Variants in CYP26B1 observed in about 807,000 individuals in gnomAD.
CYP26B1 encodes cytochrome P450 family 26 subfamily B member 1.
A neutral mutation model predicts 39.1 loss-of-function variants in CYP26B1; 8 were observed. The observed-to-expected ratio is 0.20, with a 90% CI of 0.12 to 0.37. CYP26B1 has a LOEUF of 0.37. CYP26B1 is among the 10% of genes least tolerant of loss of function. The pLI is 1.00. For synonymous variants in CYP26B1, 321 were observed against 314.3 expected, an observed-to-expected ratio of 1.02 and a Z score of -0.23; for missense variants, 615 against 707.0, an observed-to-expected ratio of 0.87 and a Z score of 1.48.
In CYP26B1 at chr2:72,143,638, G is replaced by A. The variant is rs750498674; in HGVS notation, c.429+351C>T. On this transcript the variant is annotated intron_variant, in intron 2 of 5. Coordinates refer to ENST00000001146, the MANE Select transcript of CYP26B1 (RefSeq NM_019885.4). ...CAGTCCTCGGAATTCCCTGGGAAAC[G>A]TGGCGAAAAGGCGAACGCCGGCCAA... is the stretch of plus-strand genomic sequence containing the variant. 7.5e-4 allele frequency among the ~76,000 whole-genome samples: 114 copies of A among 152,382 alleles called. 1 individual carries two copies. The highest frequency in any genetic ancestry group is 1.5e-3 in the Admixed American group (23 of 15,308).
chr2:72,131,948 C>T lies in CYP26B1; in HGVS notation c.*279G>A. On this transcript the variant is annotated 3_prime_UTR_variant, in exon 6 of 6. Coordinates refer to ENST00000001146, the MANE Select transcript of CYP26B1 (RefSeq NM_019885.4). ...CTGTAGCACGCGCTGACACCTAACA[C>T]TGTCACGGGCATGCAGAGCCCCTGC... 1 of 539,210 alleles carries T rather than the reference C, an allele frequency of 1.9e-6. No individual in the cohort carries two copies. Among genetic ancestry groups the T allele is most frequent in the Non-Finnish European group, 3.4e-6 (1 of 298,248 alleles). The allele number at this position is 539,210 out of a possible 1,614,324, so 33.4% of individuals were successfully genotyped here.
rs1677154795 is a variant in CYP26B1, at chr2:72,147,512, G to A, written c.204+119C>T. On this transcript the variant is annotated intron_variant, in intron 1 of 5. Transcript: ENST00000001146. The surrounding 1 kb of genome is among the most constrained non-coding windows in gnomAD (Gnocchi z 6.1). ...CTGCTGCGGCAGAGAGGAGGGAAGG[G>A]GCGGGGCGGGGACCAGTGCCTTCAG... is the stretch of plus-strand genomic sequence containing the variant. 2 of 1,020,378 alleles carry A rather than the reference G, an allele frequency of 2.0e-6. No individual in the cohort carries two copies. The highest frequency in any genetic ancestry group is 2.7e-6 in the Non-Finnish European group (2 of 740,858). The allele number at this position is 1,020,378 out of a possible 1,614,324, so 63.2% of individuals were successfully genotyped here. A position where few individuals can be genotyped will look rare whatever the true frequency, so the allele number is the denominator to read the frequency against.
intron 2 of CYP26B1, among the ~76,000 whole-genome samples, chr2:72,136,874 A>G (rs910540283): frequency 3.3e-5 from 5 of 152,230 alleles, no homozygotes; most frequent in African/African-American, 1.2e-4. Flanking sequence ...CACTTCTTCT[A>G]GAGACCAGCG....
Position 72,133,143 on chromosome 2 carries a change from T to C in CYP26B1, c.1026A>G (p.Thr342=). The change falls in exon 5 of 6, where the codon ACA becomes ACG. Residue 342 remains threonine, a synonymous_variant. Transcript: ENST00000001146. ...GCCCACTGAGCGTGTCCAGGCGCAG[T>C]GTGCCCTCGCAGGGGCAGCCGCCAC... The part of the protein sequence containing the change: ...LHSGGCPCEG[T]LRLDTLSGLR... The C allele has an allele frequency of 1.9e-6, 3 of 1,612,642 alleles. No homozygotes were observed. Among genetic ancestry groups the C allele is most frequent in the Middle Eastern group, 1.7e-4 (1 of 6,052 alleles).
At position 72,147,457 on chromosome 2, in the gene CYP26B1, C is replaced by A. The variant is rs1323409059; in HGVS notation, c.204+174G>T. On this transcript the variant is annotated intron_variant, in intron 1 of 5. Coordinates refer to ENST00000001146, the MANE Select transcript of CYP26B1 (RefSeq NM_019885.4). The surrounding 1 kb of genome is among the most constrained non-coding windows in gnomAD (Gnocchi z 6.1). ...CCGCGGGCGCCAGTGGTCCCGGAAC[C>A]GCGCTGCCGGCGGGCTGGGGAAGCC... Among the ~76,000 whole-genome samples the A allele has an allele frequency of 6.6e-6, 1 of 152,112 alleles. No individual in the cohort carries two copies. Among genetic ancestry groups the A allele is most frequent in the East Asian group, 1.9e-4 (1 of 5,158 alleles).
At chr2:72,133,864 G>A (rs552644914) in intron 4 of CYP26B1, among the ~76,000 whole-genome samples, 3 of 152,126 alleles carry the variant, frequency 2.0e-5, no homozygotes, top group Admixed American at 6.5e-5. Context: ...GAGGGAAGGC[G>A]ACCCCCAGAG....
At chr2:72,139,784 C>T (rs888669010) in intron 2 of CYP26B1, among the ~76,000 whole-genome samples, 6 of 152,248 alleles carry the variant, frequency 3.9e-5, no homozygotes, top group African/African-American at 9.6e-5. Context: ...CAGTCCAGAG[C>T]GTGGCTGGCC....
chr2:72,144,572 T>G, intron 1 of CYP26B1: 1 of 867,422 alleles, frequency 1.2e-6, no homozygotes. Context: ...CCTCTCGGAA[T>G]AAATATTTCC....
chr2:72,137,016 T>C (rs1486108378), intron 2 of CYP26B1, among the ~76,000 whole-genome samples: 1 of 152,146 alleles, frequency 6.6e-6, no homozygotes, highest in East Asian at 1.9e-4. Context: ...CAGGCCTCCA[T>C]GGCGGGACAG....
intron 2 of CYP26B1, among the ~76,000 whole-genome samples, chr2:72,135,868 G>A (rs1336592594): frequency 6.6e-6 from 1 of 152,166 alleles, no homozygotes; most frequent in Admixed American, 6.5e-5. Flanking sequence ...GCAGATTCTA[G>A]TAAGTTTATT....
rs757392647 is a variant in CYP26B1, at chr2:72,134,765, A to G, written c.857T>C (p.Leu286Pro). ...EHGKEMTMQE[L>P]KDGTLELIFA... ...AGGGGCACACGCCCACCCCACCTTCAGCTCCTGCATGGTCATCTCCTTCCC... is the reference window on the plus strand; with the variant it reads ...AGGGGCACACGCCCACCCCACCTTCGGCTCCTGCATGGTCATCTCCTTCCC... The change falls in exon 4 of 6, where the codon CTG becomes CCG. Residue 286 changes from leucine to proline, a missense_variant. Leu to Pro is a moderately conservative substitution (Grantham distance 98, BLOSUM62 -3). Transcript: ENST00000001146. 6.2e-7 allele frequency: 1 copy of G among 1,613,188 alleles called. No homozygotes were observed. The highest frequency in any genetic ancestry group is 8.5e-7 in the Non-Finnish European group (1 of 1,179,582).
intron 1 of CYP26B1, among the ~76,000 whole-genome samples, chr2:72,145,221 C>T (rs2104101191): frequency 6.6e-6 from 1 of 152,352 alleles, no homozygotes; most frequent in South Asian, 2.1e-4. Flanking sequence ...CAACTCAGTC[C>T]CCCTAGCCCG....
At position 72,132,234 on chromosome 2, in the gene CYP26B1, G is replaced by A; in HGVS notation, c.1532C>T (p.Thr511Ile). 1.2e-6 allele frequency: 2 copies of A among 1,600,560 alleles called. No individual in the cohort carries two copies. Among genetic ancestry groups the A allele is most frequent in the East Asian group, 2.3e-5 (1 of 44,402 alleles). Residue 511 changes from threonine (T) to isoleucine (I), a missense_variant, in exon 6 of 6, where the codon ACA (threonine) becomes ATA (isoleucine). By Grantham distance (89) the Thr-to-Ile change is moderately conservative (BLOSUM62 -1). Transcript: ENST00000001146. Reference protein sequence around the residue: ...LPETEAMLSATV With the variant: ...LPETEAMLSAIV ...AGGCGGGTGGGTCTTGGGTTAGACTGTGGCGCTCAGCATGGCCTCCGTCTC... is the reference window on the plus strand; with the variant it reads ...AGGCGGGTGGGTCTTGGGTTAGACTATGGCGCTCAGCATGGCCTCCGTCTC...
In CYP26B1 at chr2:72,133,206, C is replaced by T. The variant is rs1185632748; in HGVS notation, c.963G>A (p.Lys321=). ...QLLKHPTVLE[K]LRDELRAHGI... ...CATGAGCCCGCAGCTCATCCCGCAG[C>T]TTCTCCAGCACAGTGGGGTGCTTCA... The change falls in exon 5 of 6, where the codon AAG becomes AAA. Residue 321 remains lysine, a synonymous_variant. Transcript: ENST00000001146. 1 of 1,612,048 alleles carries T rather than the reference C, an allele frequency of 6.2e-7. No individual in the cohort carries two copies. Among genetic ancestry groups the T allele is most frequent in the East Asian group, 2.2e-5 (1 of 44,852 alleles).
At chr2:72,144,550 C>T (rs1389733145) in intron 1 of CYP26B1, 1 of 1,085,802 alleles carries the variant, frequency 9.2e-7, no homozygotes, top group Non-Finnish European at 1.1e-6. Flanking sequence ...ACCCCCACCC[C>T]GCGCTCGGGA....
intron 1 of CYP26B1, among the ~76,000 whole-genome samples, chr2:72,145,061 A>C (rs970239563): frequency 6.6e-6 from 1 of 152,002 alleles, no homozygotes. Context: ...CGTCGGCACT[A>C]GTTACCCCAC....
At chr2:72,143,946 G>C (rs762486378) in intron 2 of CYP26B1, 43 bp downstream of exon 2, 2 of 1,604,542 alleles carry the variant, frequency 1.2e-6, no homozygotes, top group Non-Finnish European at 1.7e-6. Context: ...TTGCCCCGAG[G>C]TGGGGGAGGG....
In CYP26B1 at chr2:72,147,471, G is replaced by T. The variant is rs1355871909; in HGVS notation, c.204+160C>A. 6.6e-6 allele frequency among the ~76,000 whole-genome samples: 1 copy of T among 152,240 alleles called. No homozygotes were observed. Among genetic ancestry groups the T allele is most frequent in the African/African-American group, 2.4e-5 (1 of 41,460 alleles). On this transcript the variant is annotated intron_variant, in intron 1 of 5. Transcript: ENST00000001146. This position sits in a 1 kb window ranked among gnomAD's most constrained non-coding sequence, Gnocchi z 6.1. ...GGTCCCGGAACCGCGCTGCCGGCGG[G>T]CTGGGGAAGCCCGGGCTGCTGCGGC...
At chr2:72,140,228 G>A (rs1008717051) in intron 2 of CYP26B1, among the ~76,000 whole-genome samples, 9 of 152,188 alleles carry the variant, frequency 5.9e-5, no homozygotes, top group Non-Finnish European at 8.8e-5. Flanking sequence ...AATCCAGGCC[G>A]CCCACCCTCC....
Sources: allele counts gnomAD v4.1 joint callset (sites outside exome capture counted in the v4.1 genomes callset), GRCh38; gene constraint gnomAD v4.1.1; non-coding constraint Gnocchi (gnomAD v3.1); transcripts MANE v1.5; gene names NCBI Gene and HGNC (gene_info 2026-07-23, HGNC 2026-07-21).